Variants in CACNA2D3 observed in about 807,000 individuals in gnomAD.
CACNA2D3 encodes calcium voltage-gated channel auxiliary subunit alpha2delta 3.
In CACNA2D3, 60 loss-of-function variants were observed where a neutral mutation model predicts 160.6. The ratio of observed to expected loss-of-function variants is 0.37; its 90% CI spans 0.30 to 0.46. The LOEUF is 0.46. CACNA2D3 is among the 20% of genes least tolerant of loss of function. The pLI is 1.00. For synonymous variants in CACNA2D3, 558 were observed against 492.9 expected (o/e 1.13, Z -1.75); for missense variants, 1,205 against 1,365.0 (o/e 0.88, Z 1.85).
At chr3:54,232,855 C>T (rs558459910) in intron 2 of CACNA2D3, among the ~76,000 whole-genome samples, 3 of 152,294 alleles carry the variant, frequency 2.0e-5, no homozygotes, top group African/African-American at 4.8e-5. Flanking sequence ...AAGTGTCACG[C>T]CCATCAATTG....
At chr3:54,812,426 C>T (rs1265014555) in intron 13 of CACNA2D3, among the ~76,000 whole-genome samples, 1 of 152,136 alleles carries the variant, frequency 6.6e-6, no homozygotes, top group Non-Finnish European at 1.5e-5. Flanking sequence ...TAGGTGTTTG[C>T]CAGGCAAGTG....
At chr3:54,997,009 C>G (rs1702872990) in intron 31 of CACNA2D3, among the ~76,000 whole-genome samples, 1 of 151,866 alleles carries the variant, frequency 6.6e-6, no homozygotes, top group Non-Finnish European at 1.5e-5. Context: ...ACATCACACA[C>G]CGGGGCCTGT....
intron 2 of CACNA2D3, among the ~76,000 whole-genome samples, chr3:54,292,023 A>G (rs908318255): frequency 5.9e-5 from 9 of 152,194 alleles, no homozygotes; most frequent in Non-Finnish European, 1.2e-4. Flanking sequence ...TCACAAATCT[A>G]GTCAGTTGAT....
chr3:54,838,529 A>T (rs1418226042), intron 15 of CACNA2D3, 39 bp from the exon 16 acceptor site: 2 of 1,503,904 alleles, frequency 1.3e-6, no homozygotes, highest in Admixed American at 1.7e-5. Flanking sequence ...TTGCCAAGTT[A>T]ACTTACTGTT....
intron 29 of CACNA2D3, 144 bp from the exon 30 acceptor site, chr3:54,984,463 AG>A: frequency 3.2e-6 from 2 of 634,206 alleles, no homozygotes; most frequent in Non-Finnish European, 2.7e-6. Flanking sequence ...TAGAACCAGC[AG>A]GCTTTTGCAA....
At chr3:54,165,619 A>AAAG (rs57848725) in intron 2 of CACNA2D3, among the ~76,000 whole-genome samples, 1 of 150,374 alleles carries the variant, frequency 6.7e-6, no homozygotes, top group Non-Finnish European at 1.5e-5. Context: ...AAAAAAAAAA[A>AAAG]GAAAAATTAG....
At chr3:54,865,949 A>G (rs981037906) in intron 17 of CACNA2D3, among the ~76,000 whole-genome samples, 1 of 151,978 alleles carries the variant, frequency 6.6e-6, no homozygotes, top group African/African-American at 2.4e-5. Flanking sequence ...AGAGACGTGC[A>G]CACCTAGCCC....
chr3:54,918,248 T>A (rs1019403809), intron 27 of CACNA2D3: 18 of 541,510 alleles, frequency 3.3e-5, no homozygotes, highest in Non-Finnish European at 2.3e-5. Context: ...ACAAGTATCA[T>A]CTTTATTTTA....
chr3:54,721,427 A>C (rs1005570546), intron 11 of CACNA2D3, among the ~76,000 whole-genome samples: 9 of 152,160 alleles, frequency 5.9e-5, no homozygotes, highest in Non-Finnish European at 1.3e-4. Flanking sequence ...TTAATGGGGT[A>C]CAGAATTCCG....
chr3:54,683,555 G>T (rs1031818158), intron 11 of CACNA2D3, among the ~76,000 whole-genome samples: 1 of 152,178 alleles, frequency 6.6e-6, no homozygotes, highest in African/African-American at 2.4e-5. Context: ...GGTCAAAGGT[G>T]GCGAGCATTG....
chr3:54,642,342 C>T (rs1699540445), intron 11 of CACNA2D3, 101 bp downstream of exon 11: 2 of 576,554 alleles, frequency 3.5e-6, no homozygotes, highest in Non-Finnish European at 5.8e-6. Context: ...GACTTAATCT[C>T]ATAATGATCT....
chr3:54,352,717 A>G (rs955962300), intron 3 of CACNA2D3, among the ~76,000 whole-genome samples: 9 of 152,214 alleles, frequency 5.9e-5, no homozygotes, highest in Non-Finnish European at 1.0e-4. Flanking sequence ...TGTGAGTAGA[A>G]AGGCAGTGGT....
At chr3:54,420,335 G>A (rs1243703051) in intron 4 of CACNA2D3, among the ~76,000 whole-genome samples, 2 of 152,098 alleles carry the variant, frequency 1.3e-5, no homozygotes, top group Non-Finnish European at 2.9e-5. Flanking sequence ...CACCCACCTT[G>A]GCCTCCCAAA....
At chr3:54,917,476 G>A (rs1009043221) in intron 27 of CACNA2D3, among the ~76,000 whole-genome samples, 10 of 152,242 alleles carry the variant, frequency 6.6e-5, no homozygotes, top group Admixed American at 6.5e-4. Context: ...GACAACAGCT[G>A]CTGGCTTCCA....
chr3:54,661,846 ATGTGTG>A (rs869104703), intron 11 of CACNA2D3, among the ~76,000 whole-genome samples: 8 of 16,454 alleles, frequency 4.9e-4, no homozygotes, highest in African/African-American at 1.0e-3. Flanking sequence ...GGATGTGTGT[ATGTGTG>A]TGTGTGTGTG....
intron 3 of CACNA2D3, among the ~76,000 whole-genome samples, chr3:54,363,884 C>G (rs553237255): frequency 6.6e-6 from 1 of 152,304 alleles, no homozygotes; most frequent in Non-Finnish European, 1.5e-5. Flanking sequence ...AGCATGCTGG[C>G]TTTCTCTGAG....
intron 2 of CACNA2D3, among the ~76,000 whole-genome samples, chr3:54,172,363 T>G (rs1292748270): frequency 6.6e-6 from 1 of 152,250 alleles, no homozygotes; most frequent in Non-Finnish European, 1.5e-5. Flanking sequence ...TGCTTGGATG[T>G]GACAGTATTG....
intron 2 of CACNA2D3, among the ~76,000 whole-genome samples, chr3:54,127,946 C>G (rs1699629243): frequency 6.6e-6 from 1 of 150,784 alleles, no homozygotes; most frequent in Admixed American, 6.6e-5. Flanking sequence ...TTTTTTTCTC[C>G]TTAAAATTTC....
At chr3:54,370,392 T>A (rs994426233) in intron 3 of CACNA2D3, among the ~76,000 whole-genome samples, 1 of 152,222 alleles carries the variant, frequency 6.6e-6, no homozygotes, top group African/African-American at 2.4e-5. Flanking sequence ...CAAATGACAG[T>A]AATTCATCTA....
Sources: gnomAD v4.1 joint callset for allele counts (sites outside exome capture counted in the v4.1 genomes callset) on GRCh38, gnomAD v4.1.1 for gene constraint, MANE v1.5 for transcripts, NCBI Gene and HGNC (gene_info 2026-07-23, HGNC 2026-07-21) for gene names.